L3MBTL4: variants seen among roughly 807,000 people sequenced by gnomAD.
L3MBTL4 encodes lethal(3)malignant brain tumor-like protein 4.
Under a neutral mutation model 84.5 loss-of-function variants are expected in L3MBTL4, and 70 were observed. The observed-to-expected ratio is 0.83, with a 90% CI of 0.68 to 1.01. L3MBTL4 has a LOEUF of 1.01. L3MBTL4 is among the 50% of genes least tolerant of loss of function. The probability of loss-of-function intolerance (pLI) is 0.00; values close to 1 mark genes in which losing one functional copy is unlikely to be tolerated. For synonymous variants in L3MBTL4, 274 were observed against 259.8 expected (o/e 1.05, Z -0.52); for missense variants, 715 against 754.8 (o/e 0.95, Z 0.62).
intron 16 of L3MBTL4, among the ~76,000 whole-genome samples, chr18:6,065,213 T>C (rs1016524701): frequency 6.6e-6 from 1 of 152,072 alleles, no homozygotes; most frequent in East Asian, 1.9e-4. Flanking sequence ...TTGATCATAA[T>C]GTATTATTAT....
chr18:6,304,910 T>C (rs1186584859), intron 3 of L3MBTL4, among the ~76,000 whole-genome samples: 1 of 152,168 alleles, frequency 6.6e-6, no homozygotes, highest in East Asian at 1.9e-4. Flanking sequence ...TAAAAAGAAA[T>C]ATATAATATG....
chr18:6,003,498 C>T (rs1052132748), intron 16 of L3MBTL4, among the ~76,000 whole-genome samples: 1 of 151,848 alleles, frequency 6.6e-6, no homozygotes, highest in African/African-American at 2.4e-5. Flanking sequence ...GATAGATCAA[C>T]CAAATAGAAG....
chr18:5,980,432 T>TTTG (rs1567944147), intron 16 of L3MBTL4, among the ~76,000 whole-genome samples: 2 of 99,654 alleles, frequency 2.0e-5, no homozygotes, highest in Non-Finnish European at 4.5e-5. Flanking sequence ...AGTTTGCGCT[T>TTTG]TTTTTTTTTT....
At chr18:6,243,861 T>C (rs965926525) in intron 6 of L3MBTL4, among the ~76,000 whole-genome samples, 2 of 152,168 alleles carry the variant, frequency 1.3e-5, no homozygotes, top group Admixed American at 1.3e-4. Flanking sequence ...CTAACATATG[T>C]ATCCAGCACA....
At chr18:6,375,708 G>A (rs546548523) in intron 1 of L3MBTL4, among the ~76,000 whole-genome samples, 5 of 152,194 alleles carry the variant, frequency 3.3e-5, no homozygotes, top group African/African-American at 1.2e-4. Flanking sequence ...TGGCTTAACT[G>A]CAACAGTCAG....
At chr18:6,039,626 C>T (rs566415262) in intron 16 of L3MBTL4, among the ~76,000 whole-genome samples, 4 of 152,340 alleles carry the variant, frequency 2.6e-5, no homozygotes, top group South Asian at 4.1e-4. Flanking sequence ...TATGCACACA[C>T]ATACACGCAT....
At chr18:6,210,524 T>C (rs1031948543) in intron 12 of L3MBTL4, among the ~76,000 whole-genome samples, 1 of 152,236 alleles carries the variant, frequency 6.6e-6, no homozygotes, top group African/African-American at 2.4e-5. Flanking sequence ...GACCAATTAC[T>C]TAATCTCTGT....
intron 16 of L3MBTL4, among the ~76,000 whole-genome samples, chr18:6,072,885 T>TTAAAAAAAA (rs2057728744): frequency 5.6e-4 from 5 of 8,918 alleles, no homozygotes; most frequent in Non-Finnish European, 8.2e-4. Flanking sequence ...AAAAAAAATA[T>TTAAAAAAAA]ATATATATAT....
chr18:6,030,558 G>T, intron 16 of L3MBTL4: 1 of 811,494 alleles, frequency 1.2e-6, no homozygotes, highest in Non-Finnish European at 1.5e-6. Flanking sequence ...GTGATGTACA[G>T]TGGCACGATC....
At chr18:6,378,653 C>A (rs148644118) in intron 1 of L3MBTL4, among the ~76,000 whole-genome samples, 3 of 152,060 alleles carry the variant, frequency 2.0e-5, no homozygotes, top group African/African-American at 4.8e-5. Context: ...ATTTCTGAGG[C>A]CTCTGTTCTG....
chr18:6,313,114 G>A (rs1310515726), intron 1 of L3MBTL4, among the ~76,000 whole-genome samples: 1 of 152,108 alleles, frequency 6.6e-6, no homozygotes, highest in Non-Finnish European at 1.5e-5. Flanking sequence ...TTTGTTTGCA[G>A]ATATGCCTCC....
In L3MBTL4 at chr18:6,244,529, A is replaced by C. The variant is rs2047577856; in HGVS notation, c.279T>G (p.Ile93Met). Reference sequence around the variant, plus strand: ...AGAATACCGATGGATGTCGGGGATCAATGCCTTCTAATCTCATTCCAATCT... The same window carrying C: ...AGAATACCGATGGATGTCGGGGATCCATGCCTTCTAATCTCATTCCAATCT... Reference protein sequence around the residue: ...GFQIGMRLEGIDPRHPSVFCV... With the variant: ...GFQIGMRLEGMDPRHPSVFCV... Residue 93 changes from isoleucine (I) to methionine (M), a missense_variant, in exon 6 of 19, where the codon ATT becomes ATG. By Grantham distance (10) the Ile-to-Met change is conservative. Transcript: ENST00000317931. 2 of 1,614,026 alleles carry C rather than the reference A, an allele frequency of 1.2e-6. No individual in the cohort carries two copies. Among genetic ancestry groups the C allele is most frequent in the Non-Finnish European group, 1.7e-6 (2 of 1,179,894 alleles).
chr18:6,334,046 T>A (rs1220287672), intron 1 of L3MBTL4, among the ~76,000 whole-genome samples: 1 of 152,204 alleles, frequency 6.6e-6, no homozygotes, highest in African/African-American at 2.4e-5. Context: ...TTTTGACACA[T>A]GTGAAATCAA....
intron 1 of L3MBTL4, among the ~76,000 whole-genome samples, chr18:6,352,798 T>G (rs1056475496): frequency 6.6e-6 from 1 of 152,226 alleles, no homozygotes; most frequent in African/African-American, 2.4e-5. Flanking sequence ...GGAAATCTAG[T>G]TGGTAGCCTC....
chr18:6,131,805 G>A (rs2059886998), intron 14 of L3MBTL4, among the ~76,000 whole-genome samples: 1 of 152,066 alleles, frequency 6.6e-6, no homozygotes, highest in East Asian at 1.9e-4. Flanking sequence ...TGGTACTGAA[G>A]AACAACACTT....
intron 16 of L3MBTL4, among the ~76,000 whole-genome samples, chr18:6,036,728 C>G (rs1328181990): frequency 6.6e-6 from 1 of 152,130 alleles, no homozygotes; most frequent in Non-Finnish European, 1.5e-5. Flanking sequence ...TGTGGTGACT[C>G]TGGAAATCAG....
At chr18:6,069,263 A>G (rs2057499951) in intron 16 of L3MBTL4, among the ~76,000 whole-genome samples, 1 of 152,186 alleles carries the variant, frequency 6.6e-6, no homozygotes, top group Admixed American at 6.5e-5. Context: ...CAGTGGTGAT[A>G]TCTGAGGTCA....
chr18:5,998,196 C>T (rs1210760304), intron 16 of L3MBTL4, among the ~76,000 whole-genome samples: 4 of 152,140 alleles, frequency 2.6e-5, no homozygotes, highest in African/African-American at 9.7e-5. Flanking sequence ...GATGCTGCAT[C>T]CTAAATACTT....
intron 13 of L3MBTL4, among the ~76,000 whole-genome samples, chr18:6,159,094 T>C (rs1217349468): frequency 2.0e-5 from 3 of 152,190 alleles, no homozygotes; most frequent in Non-Finnish European, 4.4e-5. Flanking sequence ...TATGCTGCAA[T>C]GTCATCTATT....
Sources: allele counts gnomAD v4.1 joint callset (sites outside exome capture counted in the v4.1 genomes callset), GRCh38; gene constraint gnomAD v4.1.1; transcripts MANE v1.5; gene names NCBI Gene and HGNC (gene_info 2026-07-23, HGNC 2026-07-21).